PELI2: variants seen among roughly 807,000 people sequenced by gnomAD.
The protein encoded by PELI2 is E3 ubiquitin-protein ligase pellino homolog 2.
PELI2 carries 23 observed loss-of-function variants against 42.3 expected under a neutral mutation model. The ratio of observed to expected loss-of-function variants is 0.54; its 90% CI spans 0.39 to 0.77. The LOEUF (loss-of-function observed/expected upper bound fraction) is 0.77, where lower values mean the gene tolerates loss of function less well. PELI2 is among the 30% of genes least tolerant of loss of function. The pLI is 0.00. For missense variants in PELI2, 463 were observed against 553.2 expected, an observed-to-expected ratio of 0.84 and a Z score of 1.64; for synonymous variants, 245 against 212.2, an observed-to-expected ratio of 1.15 and a Z score of -1.34.
intron 2 of PELI2, among the ~76,000 whole-genome samples, chr14:56,242,464 T>TAGAA (rs1888008956): frequency 6.6e-6 from 1 of 152,096 alleles, no homozygotes; most frequent in African/African-American, 2.4e-5. Context: ...GAACTAAAAG[T>TAGAA]AGAACTGCCA....
chr14:56,250,872 G>GC (rs1888321188), intron 2 of PELI2, among the ~76,000 whole-genome samples: 1 of 152,216 alleles, frequency 6.6e-6, no homozygotes, highest in Admixed American at 6.5e-5. Flanking sequence ...GAAAGCCTGT[G>GC]CAAGTGATTT....
At chr14:56,150,644 G>A (rs1203576951) in intron 1 of PELI2, among the ~76,000 whole-genome samples, 3 of 152,164 alleles carry the variant, frequency 2.0e-5, no homozygotes, top group Non-Finnish European at 4.4e-5. Context: ...CTATTTCCAA[G>A]ATTCTAAATA....
intron 1 of PELI2, among the ~76,000 whole-genome samples, chr14:56,158,297 G>A (rs1294718602): frequency 6.6e-6 from 1 of 152,052 alleles, no homozygotes; most frequent in Non-Finnish European, 1.5e-5. Context: ...CAAAGTGCTA[G>A]GATTACAGGT....
At chr14:56,142,002 A>G (rs934852425) in intron 1 of PELI2, among the ~76,000 whole-genome samples, 1 of 152,064 alleles carries the variant, frequency 6.6e-6, no homozygotes, top group Admixed American at 6.5e-5. Context: ...GATCTTTTCC[A>G]GCTCTAGAGA....
chr14:56,275,617 C>T lies in PELI2; in HGVS notation c.208-4059C>T, dbSNP rs188435014. Among the ~76,000 whole-genome samples, 88 of 152,200 alleles carry T rather than the reference C, an allele frequency of 5.8e-4. 1 individual carries two copies. In the East Asian group the frequency reaches 0.013, roughly 22 times the overall value. On this transcript the variant is annotated intron_variant, in intron 2 of 5. Coordinates refer to ENST00000267460, the MANE Select transcript of PELI2 (RefSeq NM_021255.3). The stretch of plus-strand genomic sequence containing the variant: ...TCACGCTCCTATGAGAACCTAATGC[C>T]GCTGCTGATCTGACAGGAGGAGCTC...
chr14:56,281,357 C>T lies in PELI2; in HGVS notation c.309+1580C>T, dbSNP rs895605561. ...CATTACATGATTATTAAATGGGAAGCGCAATAAAATAAGTGAAAAAAGGCA... is the reference window on the plus strand; with the variant it reads ...CATTACATGATTATTAAATGGGAAGTGCAATAAAATAAGTGAAAAAAGGCA... On this transcript the variant is annotated intron_variant, in intron 3 of 5. Coordinates refer to ENST00000267460, the MANE Select transcript of PELI2 (RefSeq NM_021255.3). Among the ~76,000 whole-genome samples, 9 of 151,890 alleles carry T rather than the reference C, an allele frequency of 5.9e-5. 1 individual carries two copies. Among genetic ancestry groups the T allele is most frequent in the African/African-American group, 9.7e-5 (4 of 41,354 alleles).
intron 2 of PELI2, among the ~76,000 whole-genome samples, chr14:56,272,611 CT>C (rs1187317266): frequency 6.6e-6 from 1 of 152,182 alleles, no homozygotes; most frequent in African/African-American, 2.4e-5. Flanking sequence ...ACTTGGTGGC[CT>C]TTGTCTTCTC....
intron 1 of PELI2, among the ~76,000 whole-genome samples, chr14:56,147,644 A>G (rs778996957): frequency 2.0e-5 from 3 of 152,232 alleles, no homozygotes; most frequent in Non-Finnish European, 2.9e-5. Flanking sequence ...GATCCATGAA[A>G]TCTGGGAAAA....
At chr14:56,151,279 T>A (rs1416095094) in intron 1 of PELI2, among the ~76,000 whole-genome samples, 2 of 152,210 alleles carry the variant, frequency 1.3e-5, no homozygotes, top group Non-Finnish European at 2.9e-5. Context: ...AATTTTTACT[T>A]CTAGCCAGTG....
intron 2 of PELI2, among the ~76,000 whole-genome samples, chr14:56,189,576 T>C (rs1189657359): frequency 6.6e-6 from 1 of 152,242 alleles, no homozygotes; most frequent in African/African-American, 2.4e-5. Context: ...ATCATATGCC[T>C]ACTACGTGGT....
chr14:56,211,667 A>C (rs981346807), intron 2 of PELI2, among the ~76,000 whole-genome samples: 1 of 152,232 alleles, frequency 6.6e-6, no homozygotes. Flanking sequence ...ACTTACATCA[A>C]AGTTTTAGAG....
At chr14:56,120,617 C>A (rs1883027715) in intron 1 of PELI2, among the ~76,000 whole-genome samples, 1 of 152,186 alleles carries the variant, frequency 6.6e-6, no homozygotes, top group Admixed American at 6.5e-5. Flanking sequence ...GTTTGTGTAC[C>A]TACTCTGTGC....
chr14:56,137,467 G>A (rs960172462), intron 1 of PELI2, among the ~76,000 whole-genome samples: 4 of 152,108 alleles, frequency 2.6e-5, no homozygotes, highest in Non-Finnish European at 4.4e-5. Flanking sequence ...TTCCCTTGAC[G>A]GTACTCTGAC....
intron 1 of PELI2, among the ~76,000 whole-genome samples, chr14:56,139,447 G>A (rs545615238): frequency 6.6e-6 from 1 of 151,958 alleles, no homozygotes; most frequent in African/African-American, 2.4e-5. Context: ...TTTTTGTTGC[G>A]CTATGACAGT....
intron 2 of PELI2, among the ~76,000 whole-genome samples, chr14:56,215,050 C>CT (rs1466460576): frequency 1.3e-5 from 2 of 152,136 alleles, no homozygotes; most frequent in Admixed American, 6.5e-5. Flanking sequence ...GTAATAACTG[C>CT]TTTTTTTGCT....
At chr14:56,265,841 T>G (rs573116807) in intron 2 of PELI2, among the ~76,000 whole-genome samples, 165 of 152,096 alleles carry the variant, frequency 1.1e-3, no homozygotes, top group Admixed American at 2.4e-3. Flanking sequence ...CATATGAAAA[T>G]ATTATCAGCC....
chr14:56,161,227 T>C (rs771556014), intron 1 of PELI2, among the ~76,000 whole-genome samples: 4 of 152,254 alleles, frequency 2.6e-5, no homozygotes, highest in Admixed American at 6.5e-5. Context: ...TTCATTTATT[T>C]CTTTTTTTCC....
chr14:56,144,097 C>T (rs1305529004), intron 1 of PELI2, among the ~76,000 whole-genome samples: 1 of 152,112 alleles, frequency 6.6e-6, no homozygotes, highest in Non-Finnish European at 1.5e-5. Context: ...CCGCTGATTC[C>T]AGTCTAACAC....
chr14:56,160,994 T>A (rs1191730495), intron 1 of PELI2, among the ~76,000 whole-genome samples: 1 of 152,162 alleles, frequency 6.6e-6, no homozygotes, highest in Admixed American at 6.5e-5. Flanking sequence ...GTTTTAAGGT[T>A]CCCTGTAGAG....
Sources: gnomAD v4.1 joint callset for allele counts (sites outside exome capture counted in the v4.1 genomes callset) on GRCh38, gnomAD v4.1.1 for gene constraint, MANE v1.5 for transcripts, NCBI Gene and HGNC (gene_info 2026-07-23, HGNC 2026-07-21) for gene names.